The following SUMF1 variants were observed in gnomAD, a reference collection of about 807,000 sequenced individuals.
The protein encoded by SUMF1 is sulfatase modifying factor 1, also known as formylglycine-generating enzyme.
In SUMF1, 48 loss-of-function variants were observed where a neutral mutation model predicts 47.6. The ratio of observed to expected loss-of-function variants is 1.01; its 90% CI spans 0.80 to 1.28. The LOEUF is 1.28. SUMF1 is among the 50% of genes most tolerant of loss of function. SUMF1 has a pLI of 0.00. For synonymous variants in SUMF1, 230 were observed against 192.1 expected (o/e 1.20, Z -1.63); for missense variants, 571 against 485.4 (o/e 1.18, Z -1.66).
At chr3:4,355,342 G>A (rs911575633) in intron 8 of SUMF1, among the ~76,000 whole-genome samples, 2 of 152,162 alleles carry the variant, frequency 1.3e-5, no homozygotes, top group Non-Finnish European at 2.9e-5. Context: ...GGATGACAGA[G>A]GAAGATTCTG....
At chr3:4,297,207 C>T (rs1318966327) in intron 8 of SUMF1, among the ~76,000 whole-genome samples, 1 of 132,360 alleles carries the variant, frequency 7.6e-6, no homozygotes, top group Non-Finnish European at 1.7e-5. Context: ...ACATAACTGT[C>T]TGTGAGCCCA....
chr3:4,144,185 T>G (rs946753670), intron 8 of SUMF1, among the ~76,000 whole-genome samples: 1 of 151,894 alleles, frequency 6.6e-6, no homozygotes, highest in Non-Finnish European at 1.5e-5. Context: ...CAGGCTGGTC[T>G]CAAACTCCTG....
At chr3:4,372,155 G>T (rs1700188055) in intron 8 of SUMF1, among the ~76,000 whole-genome samples, 1 of 152,108 alleles carries the variant, frequency 6.6e-6, no homozygotes, top group Non-Finnish European at 1.5e-5. Flanking sequence ...ACAAAAATTA[G>T]CTGGGCGTGG....
intron 7 of SUMF1, among the ~76,000 whole-genome samples, chr3:4,389,541 G>T (rs12489356): frequency 0.2 from 31,011 of 152,032 alleles, 3,732 homozygotes; most frequent in African/African-American, 0.32. Flanking sequence ...TTTTGTGAAG[G>T]ACTCTTCTCA....
At chr3:4,056,286 A>G (rs1049103793) in intron 9 of SUMF1, among the ~76,000 whole-genome samples, 3 of 152,116 alleles carry the variant, frequency 2.0e-5, no homozygotes, top group Non-Finnish European at 4.4e-5. Flanking sequence ...TTCTCATTGA[A>G]TTTTCTCTAT....
intron 8 of SUMF1, among the ~76,000 whole-genome samples, chr3:4,127,750 C>A (rs529044885): frequency 6.6e-6 from 1 of 152,174 alleles, no homozygotes; most frequent in Non-Finnish European, 1.5e-5. Context: ...GACTTTGGTA[C>A]CAGGAGTATT....
At chr3:4,210,904 G>T (rs1183909060) in intron 8 of SUMF1, among the ~76,000 whole-genome samples, 2 of 151,508 alleles carry the variant, frequency 1.3e-5, no homozygotes, top group Admixed American at 6.6e-5. Context: ...TATAAAGCAG[G>T]CAGAAAATCA....
At chr3:4,443,139 G>A (rs998491002) in intron 3 of SUMF1, among the ~76,000 whole-genome samples, 5 of 151,976 alleles carry the variant, frequency 3.3e-5, no homozygotes, top group South Asian at 2.1e-4. Context: ...TTAGCCGGGC[G>A]TGGTGGCGGG....
chr3:4,122,295 A>G lies in SUMF1; in HGVS notation c.1015-53550T>C, dbSNP rs370809748. On this transcript the variant is annotated intron_variant and NMD_transcript_variant, in intron 8 of 12. Transcript: ENST00000448413. ...TTCTATTAAGTGAAAGAAGCCATAT[A>G]CAAAGGTCACATATTATATGATTTC... Among the ~76,000 whole-genome samples, 14 of 152,326 alleles carry G rather than the reference A, an allele frequency of 9.2e-5. 1 individual carries two copies. Among genetic ancestry groups the G allele is most frequent in the African/African-American group, 3.4e-4 (14 of 41,570 alleles).
At chr3:4,464,213 GA>G (rs1345119338) in intron 1 of SUMF1, among the ~76,000 whole-genome samples, 1 of 151,908 alleles carries the variant, frequency 6.6e-6, no homozygotes, top group African/African-American at 2.4e-5. Context: ...GAATGTCCTT[GA>G]ATCTGGAATT....
At chr3:4,433,696 A>G (rs1453012840) in intron 3 of SUMF1, among the ~76,000 whole-genome samples, 1 of 152,252 alleles carries the variant, frequency 6.6e-6, no homozygotes, top group African/African-American at 2.4e-5. Context: ...AAATGCTCCC[A>G]TAGATGATAT....
chr3:4,169,850 C>G (rs1694793871), intron 8 of SUMF1, among the ~76,000 whole-genome samples: 1 of 152,170 alleles, frequency 6.6e-6, no homozygotes, highest in Admixed American at 6.5e-5. Context: ...GATGAACTAT[C>G]AAACTTCAGC....
In SUMF1 at chr3:4,209,627, A is replaced by G. The variant is rs1270299443; in HGVS notation, c.1015-140882T>C. 1.3e-5 allele frequency among the ~76,000 whole-genome samples: 2 copies of G among 152,144 alleles called. 1 individual carries two copies. The highest frequency in any genetic ancestry group is 3.8e-4 in the East Asian group (2 of 5,200). Reference sequence around the variant, plus strand: ...AGATCAAGAAGAAAAAAACAACAATATAATAGAAAAATAACATTCAGAAAA... The same window carrying G: ...AGATCAAGAAGAAAAAAACAACAATGTAATAGAAAAATAACATTCAGAAAA... On this transcript the variant is annotated intron_variant and NMD_transcript_variant, in intron 8 of 12. Transcript: ENST00000448413.
intron 8 of SUMF1, among the ~76,000 whole-genome samples, chr3:4,127,838 A>C (rs539468832): frequency 2.0e-5 from 3 of 152,098 alleles, no homozygotes; most frequent in African/African-American, 2.4e-5. Context: ...TAATATGATT[A>C]GACCCAAAAA....
At chr3:4,267,137 T>C (rs1410760528) in intron 8 of SUMF1, among the ~76,000 whole-genome samples, 1 of 152,212 alleles carries the variant, frequency 6.6e-6, no homozygotes, top group Non-Finnish European at 1.5e-5. Context: ...CAGTATTTTA[T>C]TGAGGATTTC....
At chr3:4,348,372 C>T (rs917663822) in intron 8 of SUMF1, among the ~76,000 whole-genome samples, 1 of 152,100 alleles carries the variant, frequency 6.6e-6, no homozygotes, top group Non-Finnish European at 1.5e-5. Context: ...GAAGCAATAC[C>T]ACACATCTAC....
chr3:4,095,222 A>T (rs1466200502), intron 8 of SUMF1, among the ~76,000 whole-genome samples: 1 of 152,050 alleles, frequency 6.6e-6, no homozygotes, highest in Admixed American at 6.5e-5. Flanking sequence ...TATGGTCCTA[A>T]ACTCTATATT....
At chr3:4,102,554 T>C (rs919635858) in intron 8 of SUMF1, among the ~76,000 whole-genome samples, 1 of 152,194 alleles carries the variant, frequency 6.6e-6, no homozygotes, top group Non-Finnish European at 1.5e-5. Flanking sequence ...TGCTGAGGTC[T>C]TGTCCATTAT....
intron 8 of SUMF1, among the ~76,000 whole-genome samples, chr3:4,171,793 A>C (rs2125124181): frequency 6.6e-6 from 1 of 152,276 alleles, no homozygotes; most frequent in Non-Finnish European, 1.5e-5. Context: ...GCATGTTCAG[A>C]GGTAAGAAAA....
Sources: allele counts gnomAD v4.1 joint callset (sites outside exome capture counted in the v4.1 genomes callset), GRCh38; gene constraint gnomAD v4.1.1; transcripts MANE v1.5; gene names NCBI Gene and HGNC (gene_info 2026-07-23, HGNC 2026-07-21).